The following DOCK9 variants were observed in gnomAD, a reference collection of about 807,000 sequenced individuals.
DOCK9 encodes the protein dedicator of cytokinesis protein 9.
In DOCK9, 89 loss-of-function variants were observed where a neutral mutation model predicts 263.3. That is an observed-to-expected ratio of 0.34 (90% CI 0.28 to 0.40). The LOEUF is 0.40. DOCK9 is among the 10% of genes least tolerant of loss of function. DOCK9 has a pLI of 1.00. For synonymous variants in DOCK9, 976 were observed against 973.1 expected (o/e 1.00, Z -0.06); for missense variants, 2,140 against 2,603.4 (o/e 0.82, Z 3.87).
chr13:98,863,975 T>G (rs569269975), intron 30 of DOCK9, among the ~76,000 whole-genome samples: 30 of 152,330 alleles, frequency 2.0e-4, no homozygotes, highest in African/African-American at 7.0e-4. Context: ...TGTAATTAAA[T>G]AATAAACATA....
intron 41 of DOCK9, among the ~76,000 whole-genome samples, chr13:98,830,031 C>A (rs1203287536): frequency 1.3e-5 from 2 of 152,104 alleles, no homozygotes; most frequent in Non-Finnish European, 2.9e-5. Flanking sequence ...ATGAGATAAG[C>A]CCATCCACTT....
intron 1 of DOCK9, among the ~76,000 whole-genome samples, chr13:99,013,419 G>A (rs568522233): frequency 1.5e-4 from 23 of 152,302 alleles, no homozygotes; most frequent in African/African-American, 5.1e-4. Flanking sequence ...ACCTGGCCAT[G>A]AATCTTGTTC....
chr13:99,032,150 G>C (rs1887406672), intron 1 of DOCK9, among the ~76,000 whole-genome samples: 2 of 152,096 alleles, frequency 1.3e-5, no homozygotes, highest in Non-Finnish European at 2.9e-5. Context: ...TCAGTCCAAG[G>C]AGTGCCAATG....
Position 98,837,567 on chromosome 13 carries a change from A to C in DOCK9, c.4241T>G (p.Leu1414Arg). 1 of 1,613,878 alleles carries C rather than the reference A, an allele frequency of 6.2e-7. No individual in the cohort carries two copies. The highest frequency in any genetic ancestry group is 8.5e-7 in the Non-Finnish European group (1 of 1,179,844). Residue 1414 changes from leucine to arginine, a missense_variant, in exon 39 of 53, where the codon CTT becomes CGT. Leu to Arg is a moderately radical substitution (Grantham distance 102). Around this residue, in one of 2 missense-constraint regions of DOCK9, gnomAD observed 1,521 missense variants for 1,741.7 expected, o/e 0.87. Transcript: ENST00000682017. The part of the protein sequence containing the change: ...SDADVLHQSL[L>R]EANIATEVCL... ...AACCTCAGTAGCAATGTTGGCTTCA[A>C]GTAATGACTGGTGCAGAACATCTGC...
chr13:98,810,346 T>C (rs2091192626), intron 45 of DOCK9, 55 bp from the exon 46 acceptor site: 4 of 1,597,962 alleles, frequency 2.5e-6, no homozygotes, highest in African/African-American at 1.3e-5. Context: ...GAACGTGACA[T>C]GGCACCCGTT....
intron 45 of DOCK9, among the ~76,000 whole-genome samples, chr13:98,816,676 A>C (rs1031983324): frequency 4.7e-5 from 7 of 147,580 alleles, no homozygotes; most frequent in African/African-American, 1.7e-4. Flanking sequence ...AAAGCTGAGG[A>C]GAGTGATGAC....
chr13:98,813,825 G>C (rs1326521818), intron 45 of DOCK9, among the ~76,000 whole-genome samples: 7 of 151,968 alleles, frequency 4.6e-5, no homozygotes, highest in Non-Finnish European at 1.0e-4. Flanking sequence ...ATTTTTAGTA[G>C]AGACAGGGTT....
intron 1 of DOCK9, among the ~76,000 whole-genome samples, chr13:98,989,650 G>A (rs1879351961): frequency 6.6e-6 from 1 of 152,194 alleles, no homozygotes; most frequent in African/African-American, 2.4e-5. Flanking sequence ...TTGGCTGAAA[G>A]TGAGAGGTGG....
chr13:98,807,430 T>A (rs2090856348), intron 48 of DOCK9, among the ~76,000 whole-genome samples: 1 of 152,218 alleles, frequency 6.6e-6, no homozygotes, highest in Non-Finnish European at 1.5e-5. Flanking sequence ...CTGTCAGACG[T>A]TAATTATTTT....
intron 2 of DOCK9, among the ~76,000 whole-genome samples, chr13:98,938,349 A>G (rs1471417721): frequency 2.0e-5 from 3 of 152,226 alleles, no homozygotes; most frequent in Admixed American, 1.3e-4. Flanking sequence ...CTTGGGGGAT[A>G]TTTGAACTTT....
At chr13:99,029,904 G>A (rs1184433570) in intron 1 of DOCK9, among the ~76,000 whole-genome samples, 1 of 152,138 alleles carries the variant, frequency 6.6e-6, no homozygotes, top group Non-Finnish European at 1.5e-5. Flanking sequence ...ACTGGTAAAT[G>A]GATAAACAAA....
intron 1 of DOCK9, among the ~76,000 whole-genome samples, chr13:98,985,123 A>G (rs1434913891): frequency 1.3e-5 from 2 of 152,000 alleles, no homozygotes; most frequent in East Asian, 3.9e-4. Context: ...CTCTGGGAAA[A>G]CCCACAGCAC....
At chr13:98,833,693 G>T (rs2092863573) in intron 39 of DOCK9, among the ~76,000 whole-genome samples, 1 of 152,116 alleles carries the variant, frequency 6.6e-6, no homozygotes, top group African/African-American at 2.4e-5. Flanking sequence ...TTTTTAAAAA[G>T]ACGTAAATAA....
intron 7 of DOCK9, among the ~76,000 whole-genome samples, chr13:98,919,063 G>A (rs1202816612): frequency 3.3e-5 from 5 of 152,032 alleles, no homozygotes; most frequent in Non-Finnish European, 7.4e-5. Flanking sequence ...ATGTGAGTGG[G>A]TAAGGTGATG....
At position 99,073,228 on chromosome 13, in the gene DOCK9, G is replaced by T. The variant is rs2041760297; in HGVS notation, c.129+12995C>A. On this transcript the variant is annotated intron_variant, in intron 1 of 32. Transcript: ENST00000427887. The stretch of plus-strand genomic sequence containing the variant: ...CCACCCTGCATATCCTACCCCTGAT[G>T]TCAATTCCCATGCTTTGCCTAATAG... Among the ~76,000 whole-genome samples, 3 of 152,102 alleles carry T rather than the reference G, an allele frequency of 2.0e-5. No individual in the cohort carries two copies. The South Asian group carries it at 6.2e-4, about 31-fold the overall frequency.
chr13:99,075,913 T>C (rs1327608250), intron 1 of DOCK9, among the ~76,000 whole-genome samples: 1 of 152,112 alleles, frequency 6.6e-6, no homozygotes, highest in African/African-American at 2.4e-5. Context: ...TAACATTCAA[T>C]AGAGGGGGGA....
upstream of DOCK9, among the ~76,000 whole-genome samples, chr13:98,980,197 T>A (rs1876844027): frequency 6.6e-6 from 1 of 152,172 alleles, no homozygotes; most frequent in African/African-American, 2.4e-5. Flanking sequence ...CCTACCCTAT[T>A]TGTTGGGTCA....
In DOCK9 at chr13:98,881,858, G is replaced by C. The variant is rs938957062; in HGVS notation, c.2675+34C>G. The C allele has an allele frequency of 6.0e-6, 9 of 1,498,872 alleles. No individual in the cohort carries two copies. The Admixed American group carries it at 7.8e-5, about 13-fold the overall frequency. The allele number at this position is 1,498,872 out of a possible 1,614,324, so 92.8% of individuals were successfully genotyped here. ...CTATGCTCCAGATGTGGACAGACTA[G>C]AAGTGAGGAAGAGCATCCATCCACC... is the stretch of plus-strand genomic sequence containing the variant. On this transcript the variant is annotated intron_variant, in intron 24 of 52. Coordinates refer to ENST00000682017, the MANE Select transcript of DOCK9 (RefSeq NM_001366683.2).
chr13:98,837,108 T>C (rs1194034658), intron 39 of DOCK9, among the ~76,000 whole-genome samples: 2 of 152,232 alleles, frequency 1.3e-5, no homozygotes, highest in African/African-American at 2.4e-5. Context: ...TCTGTGTTTA[T>C]TGCTCCTTTC....
Sources: gnomAD v4.1 joint callset for allele counts (sites outside exome capture counted in the v4.1 genomes callset) on GRCh38, gnomAD v4.1.1 for gene constraint, gnomAD v4.1.1 regional missense constraint, MANE v1.5 for transcripts, NCBI Gene and HGNC (gene_info 2026-07-23, HGNC 2026-07-21) for gene names.